Variants in KIF13A observed in about 807,000 individuals in gnomAD.
KIF13A encodes kinesin family member 13A.
KIF13A carries 79 observed loss-of-function variants against 212.2 expected under a neutral mutation model. That is an observed-to-expected ratio of 0.37 (90% CI 0.31 to 0.45). KIF13A has a LOEUF of 0.45. Ranked by LOEUF, KIF13A falls within the 20% of genes least tolerant of loss-of-function variation. The probability of loss-of-function intolerance (pLI) is 1.00; values close to 1 mark genes in which losing one functional copy is unlikely to be tolerated. For missense variants in KIF13A, 1,901 were observed against 2,209.0 expected, an observed-to-expected ratio of 0.86 and a Z score of 2.79; for synonymous variants, 789 against 808.6, an observed-to-expected ratio of 0.98 and a Z score of 0.41.
intron 2 of KIF13A, among the ~76,000 whole-genome samples, chr6:17,928,225 C>T (rs1775667886): frequency 6.6e-6 from 1 of 152,186 alleles, no homozygotes; most frequent in Non-Finnish European, 1.5e-5. Context: ...AAAATGACTA[C>T]CCCTCATGTG....
rs6459571 is a variant in KIF13A at position 17,794,954 on chromosome 6, A to G, written c.2943-250T>C. On this transcript the variant is annotated intron_variant, in intron 23 of 38. Coordinates refer to ENST00000259711, the MANE Select transcript of KIF13A (RefSeq NM_022113.6). This position sits in a 1 kb window ranked among gnomAD's most constrained non-coding sequence, Gnocchi z 4.1. Reference sequence around the variant, plus strand: ...TCGATGAGTTTTGAGAAATGCACATATGAGTGTAACCTGCCCTATCACCTC... The same window carrying G: ...TCGATGAGTTTTGAGAAATGCACATGTGAGTGTAACCTGCCCTATCACCTC... The G allele has an allele frequency of 0.26, 108,988 of 426,530 alleles. 14,716 individuals carry two copies. Among genetic ancestry groups the G allele is most frequent in the South Asian group, 0.39 (8,357 of 21,580 alleles). The allele number at this position is 426,530 out of a possible 1,614,324, so 26.4% of individuals were successfully genotyped here.
At chr6:17,891,187 A>G in intron 3 of KIF13A, among the ~76,000 whole-genome samples, 1 of 152,202 alleles carries the variant, frequency 6.6e-6, no homozygotes, top group East Asian at 1.9e-4. Context: ...TAAATACTAC[A>G]TCATAATACA....
At position 17,796,666 on chromosome 6, in the gene KIF13A, A is replaced by G. The variant is rs1320929600; in HGVS notation, c.2942+3T>C. ...TACCTAAAGCTCACAGCCAAGTACA[A>G]ACCTGTCATGCAGTGTTCTTGTCTT... On this transcript the variant is annotated splice_donor_region_variant and intron_variant, in intron 23 of 38. Coordinates refer to ENST00000259711, the MANE Select transcript of KIF13A (RefSeq NM_022113.6). 1.3e-6 allele frequency: 2 copies of G among 1,502,860 alleles called. No individual in the cohort carries two copies. Among genetic ancestry groups the G allele is most frequent in the Admixed American group, 2.0e-5 (1 of 48,784 alleles). The allele number at this position is 1,502,860 out of a possible 1,614,324, so 93.1% of individuals were successfully genotyped here.
In KIF13A at chr6:17,922,620, AAAAAG is replaced by A. The variant is rs1443374007; in HGVS notation, c.147-24445_147-24441del. On this transcript the variant is annotated intron_variant, in intron 2 of 38. Coordinates refer to ENST00000259711, the MANE Select transcript of KIF13A (RefSeq NM_022113.6). ...TAAATGAAAAACTTAAAAAAAAAAA[AAAAAG>A]AAAGAAATGATAACCATAAAAATCA... Among the ~76,000 whole-genome samples the A allele has an allele frequency of 6.1e-3, 810 of 133,336 alleles. 3 individuals are homozygous for A. Among genetic ancestry groups the A allele is most frequent in the Admixed American group, 9.0e-3 (120 of 13,344 alleles). The allele number at this position is 133,336 out of a possible 152,430, so 87.5% of individuals were successfully genotyped here.
chr6:17,970,213 C>T (rs1036617572), intron 2 of KIF13A, among the ~76,000 whole-genome samples: 1 of 152,156 alleles, frequency 6.6e-6, no homozygotes, highest in Non-Finnish European at 1.5e-5. Context: ...TGAGCCACCG[C>T]GCCCGGCCGT....
rs189086914 is a variant in KIF13A, at chr6:17,814,537, G to A, written c.2000+2483C>T. Among the ~76,000 whole-genome samples the A allele has an allele frequency of 3.6e-3, 536 of 150,708 alleles. 2 individuals carry two copies. Among genetic ancestry groups the A allele is most frequent in the African/African-American group, 0.013 (521 of 40,980 alleles). On this transcript the variant is annotated intron_variant, in intron 17 of 38. Transcript: ENST00000259711. ...GCTGGGATTACAGGCGTGAGCCACC[G>A]CGCCCAGCCAGGTGTTGCTTTTATT...
rs1339550977 is a variant in KIF13A at position 17,940,823 on chromosome 6, T to TA, written c.147-42644_147-42643insT. On this transcript the variant is annotated intron_variant, in intron 2 of 38. Transcript: ENST00000259711. Reference sequence around the variant, plus strand: ...ACTTAACACATGTAAATTTATTTTTTTTTTTTTTTTTTTTTTTTTTGAGAC... The same window carrying TA: ...ACTTAACACATGTAAATTTATTTTTTATTTTTTTTTTTTTTTTTTTTGAGAC... Among the ~76,000 whole-genome samples the TA allele has an allele frequency of 3.2e-4, 47 of 148,994 alleles. 1 individual carries two copies. Among genetic ancestry groups the TA allele is most frequent in the African/African-American group, 1.2e-3 (46 of 39,404 alleles).
intron 2 of KIF13A, among the ~76,000 whole-genome samples, chr6:17,938,491 C>A (rs571748381): frequency 2.6e-5 from 4 of 152,246 alleles, no homozygotes; most frequent in African/African-American, 9.6e-5. Flanking sequence ...CACCATCTAC[C>A]CTCTCCAGTT....
intron 2 of KIF13A, among the ~76,000 whole-genome samples, chr6:17,920,548 A>C (rs1172478566): frequency 6.6e-6 from 1 of 152,198 alleles, no homozygotes; most frequent in South Asian, 2.1e-4. Flanking sequence ...TCATCAATTT[A>C]CAAAACTACC....
chr6:17,976,801 C>CAAAA (rs998413837), intron 2 of KIF13A, among the ~76,000 whole-genome samples: 4 of 98,750 alleles, frequency 4.1e-5, no homozygotes, highest in African/African-American at 1.5e-4. Context: ...GACTCCATCT[C>CAAAA]AAAAAAAAAA....
chr6:17,860,769 TA>T (rs1469791981), intron 4 of KIF13A, among the ~76,000 whole-genome samples: 2 of 152,118 alleles, frequency 1.3e-5, no homozygotes, highest in African/African-American at 4.8e-5. Flanking sequence ...AATAAATGTT[TA>T]ATTGTATTAG....
In KIF13A at chr6:17,952,469, C is replaced by A. The variant is rs566176920; in HGVS notation, c.146+34585G>T. Among the ~76,000 whole-genome samples, 17 of 151,544 alleles carry A rather than the reference C, an allele frequency of 1.1e-4. No homozygotes were observed. The South Asian group carries it at 3.5e-3, about 32-fold the overall frequency. ...GCAACATGGCAAGATTCTGCCTCTA[C>A]AAAAAATTTAAAAATTAGCAAGGCT... On this transcript the variant is annotated intron_variant, in intron 2 of 38. Coordinates refer to ENST00000259711, the MANE Select transcript of KIF13A (RefSeq NM_022113.6).
At chr6:17,827,873 C>T (rs931068274) in intron 14 of KIF13A, among the ~76,000 whole-genome samples, 1 of 152,064 alleles carries the variant, frequency 6.6e-6, no homozygotes. Flanking sequence ...GACAAGATAA[C>T]TAAATAGTTA....
intron 2 of KIF13A, among the ~76,000 whole-genome samples, chr6:17,955,986 T>A (rs185170425): frequency 4.1e-4 from 62 of 152,332 alleles, no homozygotes; most frequent in African/African-American, 1.3e-3. Flanking sequence ...ATTTTCCAGA[T>A]CTTAAGCACA....
At chr6:17,818,274 C>T (rs1415176636) in intron 16 of KIF13A, among the ~76,000 whole-genome samples, 1 of 152,168 alleles carries the variant, frequency 6.6e-6, no homozygotes, top group Non-Finnish European at 1.5e-5. Flanking sequence ...GCTGTATTCC[C>T]ACACATTGGC....
In KIF13A at chr6:17,828,394, G is replaced by GA; in HGVS notation, c.1402-25dup. 6.3e-7 allele frequency: 1 copy of GA among 1,595,328 alleles called. No homozygotes were observed. Among genetic ancestry groups the GA allele is most frequent in the African/African-American group, 1.3e-5 (1 of 74,234 alleles). On this transcript the variant is annotated intron_variant, in intron 13 of 38. Transcript: ENST00000259711. The surrounding 1 kb of genome is among the most constrained non-coding windows in gnomAD (Gnocchi z 4.3). Reference sequence around the variant, plus strand: ...TCCTAGTAAAAGATTATTAAGGAAAGAAAAACCCACATTTATGAGTAACTC... The same window carrying GA: ...TCCTAGTAAAAGATTATTAAGGAAAGAAAAAACCCACATTTATGAGTAACTC...
intron 31 of KIF13A, 136 bp downstream of exon 31, chr6:17,780,594 G>A (rs1760473450): frequency 1.3e-6 from 1 of 768,144 alleles, no homozygotes; most frequent in Non-Finnish European, 2.1e-6. Flanking sequence ...TTGGATAAAT[G>A]AGAATCAGAC....
At chr6:17,904,172 A>C (rs1287906237) in intron 2 of KIF13A, among the ~76,000 whole-genome samples, 3 of 150,846 alleles carry the variant, frequency 2.0e-5, no homozygotes, top group Non-Finnish European at 4.4e-5. Context: ...AAATAATAAA[A>C]ATAAAGAAAA....
rs535607921 is a variant in KIF13A at position 17,794,526 on chromosome 6, G to A, written c.3075+46C>T. On this transcript the variant is annotated intron_variant, in intron 24 of 38. Coordinates refer to ENST00000259711, the MANE Select transcript of KIF13A (RefSeq NM_022113.6). This position sits in a 1 kb window ranked among gnomAD's most constrained non-coding sequence, Gnocchi z 4.1. ...TCCCCAGAAACAATGTGTAAGAGTG[G>A]AACAGAGAGAAAACATTAAAAAAAA... is the stretch of plus-strand genomic sequence containing the variant. 1.1e-3 allele frequency: 1,712 copies of A among 1,578,216 alleles called. 2 individuals are homozygous for A. Among genetic ancestry groups the A allele is most frequent in the Non-Finnish European group, 1.1e-3 (1,300 of 1,165,354 alleles).
Sources: gnomAD v4.1 joint callset for allele counts (sites outside exome capture counted in the v4.1 genomes callset) on GRCh38, gnomAD v4.1.1 for gene constraint, Gnocchi (gnomAD v3.1) non-coding constraint, MANE v1.5 for transcripts, NCBI Gene and HGNC (gene_info 2026-07-23, HGNC 2026-07-21) for gene names.